The following PAK1 variants were observed in gnomAD, a reference collection of about 807,000 sequenced individuals.
PAK1 encodes p21 (RAC1) activated kinase 1.
A neutral mutation model predicts 67.4 loss-of-function variants in PAK1; 29 were observed. The ratio of observed to expected loss-of-function variants is 0.43; its 90% CI spans 0.32 to 0.59. The LOEUF is 0.59. PAK1 is among the 20% of genes least tolerant of loss of function. The pLI, the probability that PAK1 is intolerant of heterozygous loss-of-function variation, is 0.07. For missense variants in PAK1, 337 were observed against 670.7 expected (o/e 0.50, Z 5.50); for synonymous variants, 223 against 237.4 (o/e 0.94, Z 0.56).
At chr11:77,325,440 C>A in intron 14 of PAK1, 1 of 1,530,300 alleles carries the variant, frequency 6.5e-7, no homozygotes, top group Non-Finnish European at 8.9e-7. Flanking sequence ...ATATAAAGTG[C>A]TTAGTGCCTA....
chr11:77,362,075 C>T (rs561645273), intron 5 of PAK1, among the ~76,000 whole-genome samples: 1 of 152,082 alleles, frequency 6.6e-6, no homozygotes, highest in African/African-American at 2.4e-5. Flanking sequence ...ATCAATTGTT[C>T]AACAATATTT....
At chr11:77,413,768 A>G (rs1003815635) in intron 1 of PAK1, among the ~76,000 whole-genome samples, 9 of 152,172 alleles carry the variant, frequency 5.9e-5, no homozygotes, top group African/African-American at 2.2e-4. Flanking sequence ...AATAATAGAC[A>G]CCCGGAGAAT....
intron 1 of PAK1, among the ~76,000 whole-genome samples, chr11:77,427,020 G>A (rs1955585245): frequency 6.6e-6 from 1 of 152,160 alleles, no homozygotes; most frequent in Non-Finnish European, 1.5e-5. Flanking sequence ...AATGGGGTTG[G>A]TAGTGGGATC....
chr11:77,490,295 C>CCGCCCCCCGG, the PAK1 span, among the ~76,000 whole-genome samples: 3 of 147,924 alleles, frequency 2.0e-5, no homozygotes, highest in Admixed American at 2.0e-4. Context: ...GGTCAGCCCC[C>CCGCCCCCCGG]CCACCCGGCC....
At chr11:77,324,190 T>TTTTTTTA (rs1939104813) in intron 14 of PAK1, among the ~76,000 whole-genome samples, 1 of 137,508 alleles carries the variant, frequency 7.3e-6, no homozygotes, top group Admixed American at 7.3e-5. Context: ...TTTTTTTTTT[T>TTTTTTTA]GAGACGGAGT....
At chr11:77,324,750 T>C (rs1455851616) in intron 14 of PAK1, among the ~76,000 whole-genome samples, 14 of 140,800 alleles carry the variant, frequency 9.9e-5, no homozygotes, top group East Asian at 6.4e-4. Context: ...TATATATGTA[T>C]ACACACACAC....
intron 6 of PAK1, among the ~76,000 whole-genome samples, chr11:77,357,283 C>T (rs571632455): frequency 9.2e-5 from 14 of 152,206 alleles, no homozygotes; most frequent in African/African-American, 3.4e-4. Context: ...TTTGACTGGA[C>T]AGGCTTTTAA....
At chr11:77,503,495 A>C in the PAK1 span, among the ~76,000 whole-genome samples, 1 of 152,354 alleles carries the variant, frequency 6.6e-6, no homozygotes, top group Admixed American at 6.5e-5. Flanking sequence ...AAAATTATTG[A>C]GAACCCCAAA....
chr11:77,432,511 A>T (rs946342313), intron 1 of PAK1, among the ~76,000 whole-genome samples: 2 of 152,192 alleles, frequency 1.3e-5, no homozygotes, highest in Non-Finnish European at 2.9e-5. Context: ...AAAGCAGTTT[A>T]GCTGGTTGTG....
At chr11:77,501,082 C>T in the PAK1 span, among the ~76,000 whole-genome samples, 4 of 150,820 alleles carry the variant, frequency 2.7e-5, no homozygotes, top group African/African-American at 4.9e-5. Flanking sequence ...ACCCAGGAGG[C>T]GGAGGTTGCA....
chr11:77,456,115 A>G (rs1360505235), intron 1 of PAK1, among the ~76,000 whole-genome samples: 2 of 152,188 alleles, frequency 1.3e-5, no homozygotes, highest in African/African-American at 4.8e-5. Flanking sequence ...CAAAAAATTA[A>G]TGTTGAATAC....
At chr11:77,395,589 TACACACACACAGACACACACACAA>T (rs1468904410) in intron 1 of PAK1, among the ~76,000 whole-genome samples, 51 of 151,362 alleles carry the variant, frequency 3.4e-4, no homozygotes, top group African/African-American at 1.0e-3. Context: ...TATTTACTTA[TACACACACACAGACACACACACAA>T]ACACACACCC....
At chr11:77,396,125 T>C (rs550559703) in intron 1 of PAK1, among the ~76,000 whole-genome samples, 9 of 152,372 alleles carry the variant, frequency 5.9e-5, no homozygotes, top group Non-Finnish European at 8.8e-5. Flanking sequence ...GATACAGGCT[T>C]TTCTCCATTT....
chr11:77,445,560 GA>G (rs1956559047), intron 1 of PAK1, among the ~76,000 whole-genome samples: 1 of 152,132 alleles, frequency 6.6e-6, no homozygotes, highest in Admixed American at 6.5e-5. Flanking sequence ...AGGTATTCAG[GA>G]AACATTTGCT....
At position 77,355,763 on chromosome 11, in the gene PAK1, T is replaced by G. The variant is rs200829185; in HGVS notation, c.677A>C (p.Glu226Ala). 7.6e-5 allele frequency: 122 copies of G among 1,613,552 alleles called. 1 individual carries two copies. In the South Asian group the frequency reaches 8.9e-4, roughly 12 times the overall value. ...AGCATCTGGTGGAGTGGTGTTATTT[T>G]CAGTAGGTGAAATGGGAGATGTAGC... ...DVATSPISPT[E>A]NNTTPPDALT... Residue 226 changes from glutamate to alanine, a missense_variant, in exon 7 of 15, where the codon GAA (glutamate) becomes GCA (alanine). Glu to Ala is a moderately radical substitution (Grantham distance 107). Transcript: ENST00000356341.
At chr11:77,323,448 G>A in intron 14 of PAK1, 88 bp from the exon 15 acceptor site, 1 of 888,508 alleles carries the variant, frequency 1.1e-6, no homozygotes, top group East Asian at 2.5e-5. Flanking sequence ...ATCTTTGTTT[G>A]TAAAGGGTGC....
chr11:77,326,184 T>C (rs1939797024), intron 14 of PAK1, among the ~76,000 whole-genome samples: 1 of 152,190 alleles, frequency 6.6e-6, no homozygotes, highest in East Asian at 1.9e-4. Context: ...ATACAAATGA[T>C]GCGGCCTGCT....
the PAK1 span, among the ~76,000 whole-genome samples, chr11:77,496,498 G>A: frequency 1.3e-5 from 2 of 152,068 alleles, no homozygotes; most frequent in Admixed American, 6.6e-5. Flanking sequence ...GGTGGTGCAC[G>A]CTTGTAGTCC....
chr11:77,391,187 T>C (rs1187790839), intron 2 of PAK1, among the ~76,000 whole-genome samples: 2 of 152,244 alleles, frequency 1.3e-5, no homozygotes, highest in African/African-American at 4.8e-5. Flanking sequence ...TGCCCTACTG[T>C]TTCAGAATCT....
Sources: allele counts gnomAD v4.1 joint callset (sites outside exome capture counted in the v4.1 genomes callset), GRCh38; gene constraint gnomAD v4.1.1; transcripts MANE v1.5; gene names NCBI Gene and HGNC (gene_info 2026-07-23, HGNC 2026-07-21).